The following DCAF8L2 variants were observed in gnomAD, a reference collection of about 807,000 sequenced individuals.
DCAF8L2 encodes the protein DDB1 and CUL4 associated factor 8 like 2, also known as DDB1- and CUL4-associated factor 8-like protein 2.
For synonymous variants in DCAF8L2, 200 were observed against 190.9 expected, an observed-to-expected ratio of 1.05 and a Z score of -0.39; for missense variants, 430 against 490.7, an observed-to-expected ratio of 0.88 and a Z score of 1.17.
chrX:27,715,075 T>C (rs1931649374), intron 3 of DCAF8L2, among the ~76,000 whole-genome samples: 1 of 110,435 alleles, frequency 9.1e-6, no homozygotes, highest in South Asian at 3.8e-4. Context: ...AAAATAATAT[T>C]TGAGTGGAAA....
chrX:27,654,194 C>T (rs1314131806), intron 2 of DCAF8L2, among the ~76,000 whole-genome samples: 1 of 110,985 alleles, frequency 9.0e-6, no homozygotes, highest in Non-Finnish European at 1.9e-5. Flanking sequence ...CTCTGTCAGC[C>T]TAGGGCCCTC....
the DCAF8L2 span, among the ~76,000 whole-genome samples, chrX:27,479,369 A>G: frequency 9.0e-6 from 1 of 111,423 alleles, no homozygotes; most frequent in South Asian, 3.8e-4. Flanking sequence ...GCCAGCAGAT[A>G]GATATAAGCT....
intron 2 of DCAF8L2, among the ~76,000 whole-genome samples, chrX:27,644,296 G>A (rs1602692255): frequency 8.9e-6 from 1 of 111,898 alleles, no homozygotes; most frequent in East Asian, 2.8e-4. Flanking sequence ...TAGAATATAA[G>A]CTCCTTGACA....
intron 1 of DCAF8L2, among the ~76,000 whole-genome samples, chrX:27,624,361 T>A (rs1016779378): frequency 9.0e-6 from 1 of 110,850 alleles, no homozygotes; most frequent in African/African-American, 3.3e-5. Flanking sequence ...TTACTAGGGC[T>A]GGAGAGTCAA....
At chrX:27,550,805 T>G in the DCAF8L2 span, among the ~76,000 whole-genome samples, 1 of 100,004 alleles carries the variant, frequency 1.0e-5, no homozygotes, top group East Asian at 3.4e-4. Flanking sequence ...TATTTTATTG[T>G]GCTTTGCAGA....
At chrX:27,502,377 T>TATATATA in the DCAF8L2 span, among the ~76,000 whole-genome samples, 53 of 72,935 alleles carry the variant, frequency 7.3e-4, no homozygotes, top group South Asian at 1.6e-3. Flanking sequence ...TATATATATA[T>TATATATA]TGGCTGTGCA....
the DCAF8L2 span, among the ~76,000 whole-genome samples, chrX:27,543,512 A>G: frequency 9.0e-6 from 1 of 111,249 alleles, no homozygotes; most frequent in East Asian, 2.8e-4. Context: ...ATTCCGTGAA[A>G]AAAAATGGCC....
the DCAF8L2 span, among the ~76,000 whole-genome samples, chrX:27,542,968 G>A: frequency 6.3e-5 from 7 of 111,532 alleles, no homozygotes; most frequent in African/African-American, 1.6e-4. Flanking sequence ...TTCTTTTGCT[G>A]TGCAGAAGCT....
chrX:27,542,348 G>C, the DCAF8L2 span, among the ~76,000 whole-genome samples: 1 of 110,484 alleles, frequency 9.1e-6, no homozygotes, highest in Non-Finnish European at 1.9e-5. Context: ...TTTCTCTGCA[G>C]CCTCACCAGC....
chrX:27,512,791 A>AAC, the DCAF8L2 span, among the ~76,000 whole-genome samples: 1 of 85,735 alleles, frequency 1.2e-5, no homozygotes, highest in African/African-American at 4.8e-5. Flanking sequence ...AAAAAAAAAA[A>AAC]AAAAAAAAAA....
the DCAF8L2 span, among the ~76,000 whole-genome samples, chrX:27,542,011 CAAAGGA>C: frequency 8.9e-6 from 1 of 111,786 alleles, no homozygotes; most frequent in Non-Finnish European, 1.9e-5. Flanking sequence ...CATGTTGCTG[CAAAGGA>C]CATGATTTCA....
the DCAF8L2 span, among the ~76,000 whole-genome samples, chrX:27,576,873 C>G: frequency 9.0e-6 from 1 of 111,692 alleles, no homozygotes; most frequent in Non-Finnish European, 1.9e-5. Context: ...CTCAAACTAT[C>G]TATTATATCT....
chrX:27,553,544 C>T, the DCAF8L2 span, among the ~76,000 whole-genome samples: 1 of 110,806 alleles, frequency 9.0e-6, no homozygotes, highest in African/African-American at 3.3e-5. Flanking sequence ...TGATGACTTA[C>T]TGTTTATCTG....
At chrX:27,477,896 G>A in the DCAF8L2 span, among the ~76,000 whole-genome samples, 2 of 110,537 alleles carry the variant, frequency 1.8e-5, no homozygotes, top group South Asian at 3.8e-4. Context: ...ATATCTTTCC[G>A]TTTTTTTTAG....
intron 1 of DCAF8L2, among the ~76,000 whole-genome samples, chrX:27,600,199 T>C (rs1338857528): frequency 8.9e-6 from 1 of 112,032 alleles, no homozygotes; most frequent in East Asian, 2.8e-4. Flanking sequence ...ATTGTGTCGA[T>C]GTGTGTGTGT....
At chrX:27,587,985 A>AATATATATATATATATATATATAT (rs202098791), upstream of DCAF8L2, among the ~76,000 whole-genome samples, 1 of 22,355 alleles carries the variant, frequency 4.5e-5, no homozygotes, top group African/African-American at 9.8e-5. Context: ...TAAAAAAAAA[A>AATATATATATATATATATATATAT]ATATATATAT....
At chrX:27,598,184 G>T (rs949777613) in intron 1 of DCAF8L2, among the ~76,000 whole-genome samples, 1 of 112,497 alleles carries the variant, frequency 8.9e-6, no homozygotes, top group Non-Finnish European at 1.9e-5. Flanking sequence ...TGGCTGAAAA[G>T]AACAATATAC....
At chrX:27,573,862 TCTC>T in the DCAF8L2 span, among the ~76,000 whole-genome samples, 6 of 108,168 alleles carry the variant, frequency 5.5e-5, no homozygotes, top group South Asian at 3.9e-4. Context: ...TCTCTCTCTC[TCTC>T]TTTTTTTTTT....
At position 27,701,587 on chromosome X, in the gene DCAF8L2, G is replaced by C. The variant is rs778928539; in HGVS notation, c.-142-14501G>C. Among the ~76,000 whole-genome samples the C allele has an allele frequency of 2.2e-4, 25 of 111,142 alleles. 1 individual carries two copies. Among genetic ancestry groups the C allele is most frequent in the South Asian group, 7.4e-4 (2 of 2,693 alleles). On this transcript the variant is annotated intron_variant, in intron 3 of 4. Transcript: ENST00000451261. ...GGAAATATGAGAAATCAATAAACAT[G>C]TGGAAATTAAGCAGTATACTTCTAA...
Sources: gnomAD v4.1 joint callset for allele counts (sites outside exome capture counted in the v4.1 genomes callset) on GRCh38, gnomAD v4.1.1 for gene constraint, MANE v1.5 for transcripts, NCBI Gene and HGNC (gene_info 2026-07-23, HGNC 2026-07-21) for gene names.